Variants in CNTLN observed in about 807,000 individuals in gnomAD.
CNTLN encodes the protein centlein, also known as centlein, centrosomal protein.
CNTLN carries 212 observed loss-of-function variants against 180.0 expected under a neutral mutation model. That is an observed-to-expected ratio of 1.18 (90% CI 1.05 to 1.32). CNTLN has a LOEUF of 1.32. Ranked by LOEUF, CNTLN falls within the 40% of genes most tolerant of loss-of-function variation. The pLI is 0.00. For synonymous variants in CNTLN, 722 were observed against 563.1 expected (o/e 1.28, Z -3.99); for missense variants, 2,095 against 1,610.9 (o/e 1.30, Z -5.14).
the CNTLN span, among the ~76,000 whole-genome samples, chr9:17,516,366 T>C: frequency 6.6e-6 from 1 of 152,310 alleles, no homozygotes; most frequent in Non-Finnish European, 1.5e-5. Flanking sequence ...CTGACGCTCC[T>C]GTAACAAAAG....
intron 9 of CNTLN, among the ~76,000 whole-genome samples, chr9:17,331,800 T>C (rs1159601613): frequency 6.6e-6 from 1 of 152,066 alleles, no homozygotes; most frequent in African/African-American, 2.4e-5. Flanking sequence ...CACTGAACTT[T>C]ATTTAAATGA....
intron 2 of CNTLN, among the ~76,000 whole-genome samples, chr9:17,196,588 CTT>C (rs1405278110): frequency 2.7e-4 from 41 of 151,774 alleles, no homozygotes; most frequent in African/African-American, 9.2e-4. Flanking sequence ...AAAAATAAGA[CTT>C]ATATGAATAT....
At chr9:17,211,750 C>G (rs1003146211) in intron 2 of CNTLN, among the ~76,000 whole-genome samples, 1 of 152,078 alleles carries the variant, frequency 6.6e-6, no homozygotes, top group African/African-American at 2.4e-5. Flanking sequence ...GTTTGTAGTT[C>G]TCCTTGAAGA....
intron 18 of CNTLN, among the ~76,000 whole-genome samples, chr9:17,433,684 G>A (rs1484924826): frequency 6.6e-6 from 1 of 152,078 alleles, no homozygotes; most frequent in Non-Finnish European, 1.5e-5. Flanking sequence ...CTAGAGTGCA[G>A]TGACGTGATC....
In CNTLN at chr9:17,263,828, G is replaced by C. The variant is rs1481393427; in HGVS notation, c.850-9905G>C. Reference sequence around the variant, plus strand: ...GCATTTTTTCATGTGTTTCTTGGCTGCATAAATGTCTTCTTTTGAGAAGTG... The same window carrying C: ...GCATTTTTTCATGTGTTTCTTGGCTCCATAAATGTCTTCTTTTGAGAAGTG... On this transcript the variant is annotated intron_variant, in intron 5 of 25. Transcript: ENST00000380647. Among the ~76,000 whole-genome samples the C allele has an allele frequency of 2.1e-5, 3 of 143,394 alleles. 1 individual carries two copies. The highest frequency in any genetic ancestry group is 2.1e-4 in the Admixed American group (3 of 14,416). The allele number at this position is 143,394 out of a possible 152,430, so 94.1% of individuals were successfully genotyped here.
chr9:17,233,767 T>C (rs1157721724), intron 3 of CNTLN, among the ~76,000 whole-genome samples: 2 of 152,142 alleles, frequency 1.3e-5, no homozygotes, highest in Non-Finnish European at 2.9e-5. Context: ...GAACATATGT[T>C]GAGCAAAAAT....
chr9:17,411,379 C>G (rs571598736), intron 16 of CNTLN, among the ~76,000 whole-genome samples: 6 of 152,282 alleles, frequency 3.9e-5, no homozygotes, highest in Middle Eastern at 3.4e-3. Flanking sequence ...GTTTCCAGCC[C>G]CATCTGTAAA....
intron 19 of CNTLN, among the ~76,000 whole-genome samples, chr9:17,459,697 G>A (rs2134172284): frequency 6.6e-6 from 1 of 151,750 alleles, no homozygotes; most frequent in South Asian, 2.1e-4. Flanking sequence ...TTCTTTTGAG[G>A]CCTCTCTCCT....
At chr9:17,140,362 G>A (rs1648135425) in intron 1 of CNTLN, among the ~76,000 whole-genome samples, 1 of 152,074 alleles carries the variant, frequency 6.6e-6, no homozygotes, top group Admixed American at 6.6e-5. Flanking sequence ...ACAATAGATT[G>A]TGCACTTGAA....
chr9:17,410,706 G>T (rs538407344), intron 16 of CNTLN, among the ~76,000 whole-genome samples: 47 of 152,030 alleles, frequency 3.1e-4, no homozygotes, highest in Non-Finnish European at 6.8e-4. Context: ...TCACATCAAT[G>T]TCTAGCATTG....
At chr9:17,506,905 C>G (rs527668329), downstream of CNTLN, among the ~76,000 whole-genome samples, 19 of 152,114 alleles carry the variant, frequency 1.2e-4, no homozygotes, top group Admixed American at 3.9e-4. Context: ...TCAATGCATG[C>G]GTACATTGGG....
chr9:17,208,361 A>G (rs1219897766), intron 2 of CNTLN, among the ~76,000 whole-genome samples: 1 of 152,046 alleles, frequency 6.6e-6, no homozygotes, highest in East Asian at 1.9e-4. Context: ...GTGTTGTTGA[A>G]TTTGGTTTGG....
chr9:17,270,050 G>GT (rs745870922), intron 5 of CNTLN, among the ~76,000 whole-genome samples: 1 of 151,626 alleles, frequency 6.6e-6, no homozygotes, highest in African/African-American at 2.4e-5. Context: ...CTTTGTTTTT[G>GT]TTTTTTTGGT....
chr9:17,274,551 A>G (rs977966120), intron 6 of CNTLN, among the ~76,000 whole-genome samples: 2 of 151,986 alleles, frequency 1.3e-5, no homozygotes, highest in Non-Finnish European at 2.9e-5. Flanking sequence ...AAGGACATGC[A>G]TGCATGTTTG....
chr9:17,212,668 G>T (rs1823414079), intron 2 of CNTLN, among the ~76,000 whole-genome samples: 1 of 152,138 alleles, frequency 6.6e-6, no homozygotes, highest in South Asian at 2.1e-4. Flanking sequence ...GAATTCAGCT[G>T]TGAATCTATC....
At chr9:17,295,216 A>G (rs1419765532) in intron 6 of CNTLN, among the ~76,000 whole-genome samples, 1 of 151,954 alleles carries the variant, frequency 6.6e-6, no homozygotes, top group Non-Finnish European at 1.5e-5. Flanking sequence ...CTGTCCCTCC[A>G]CACCTCCCTG....
chr9:17,215,237 G>A (rs1175262951), intron 2 of CNTLN, among the ~76,000 whole-genome samples: 1 of 152,150 alleles, frequency 6.6e-6, no homozygotes, highest in Non-Finnish European at 1.5e-5. Flanking sequence ...TTTTGGTGTG[G>A]ATGTCCTTTC....
Position 17,364,468 on chromosome 9 carries a change from AT to A in CNTLN, c.1887-2144del, listed in dbSNP as rs201657733. On this transcript the variant is annotated intron_variant, in intron 12 of 25. Coordinates refer to ENST00000380647, the MANE Select transcript of CNTLN (RefSeq NM_017738.4). ...ATATTTTTAGATATATTATTTGATT[AT>A]TTTTGTCTATTTTCTGTTTCATAAA... Among the ~76,000 whole-genome samples the A allele has an allele frequency of 6.5e-3, 988 of 151,858 alleles. 13 individuals carry two copies. The highest frequency in any genetic ancestry group is 0.022 in the African/African-American group (931 of 41,426).
At chr9:17,161,042 A>G in intron 2 of CNTLN, among the ~76,000 whole-genome samples, 1 of 152,284 alleles carries the variant, frequency 6.6e-6, no homozygotes. Flanking sequence ...GATAAATACT[A>G]TAATGATATT....
Sources: gnomAD v4.1 joint callset for allele counts (sites outside exome capture counted in the v4.1 genomes callset) on GRCh38, gnomAD v4.1.1 for gene constraint, MANE v1.5 for transcripts, NCBI Gene and HGNC (gene_info 2026-07-23, HGNC 2026-07-21) for gene names.